Variants in CDK14 observed in about 807,000 individuals in gnomAD.
CDK14 encodes the protein cyclin dependent kinase 14, also known as cyclin-dependent kinase 14.
CDK14 carries 34 observed loss-of-function variants against 60.7 expected under a neutral mutation model. The observed-to-expected ratio is 0.56, with a 90% confidence interval of 0.43 to 0.75. The LOEUF (loss-of-function observed/expected upper bound fraction) is 0.75, where lower values mean the gene tolerates loss of function less well. Ranked by LOEUF, CDK14 falls within the 30% of genes least tolerant of loss-of-function variation. The probability of loss-of-function intolerance (pLI) is 0.00; values close to 1 mark genes in which losing one functional copy is unlikely to be tolerated. For synonymous variants in CDK14, 197 were observed against 203.7 expected, an observed-to-expected ratio of 0.97 and a Z score of 0.28; for missense variants, 482 against 564.1, an observed-to-expected ratio of 0.85 and a Z score of 1.47.
At chr7:90,815,671 T>A (rs1158942264) in intron 5 of CDK14, among the ~76,000 whole-genome samples, 1 of 152,210 alleles carries the variant, frequency 6.6e-6, no homozygotes, top group East Asian at 1.9e-4. Context: ...CCAATCCAAA[T>A]GCCCATCAAC....
At chr7:90,721,392 T>C (rs1363172210) in intron 2 of CDK14, among the ~76,000 whole-genome samples, 1 of 152,224 alleles carries the variant, frequency 6.6e-6, no homozygotes, top group Non-Finnish European at 1.5e-5. Flanking sequence ...GAAATCATAA[T>C]GAACTCATGG....
intron 2 of CDK14, among the ~76,000 whole-genome samples, chr7:90,624,727 C>T (rs1188227610): frequency 6.6e-6 from 1 of 152,236 alleles, no homozygotes; most frequent in Non-Finnish European, 1.5e-5. Context: ...TGCTCCACCA[C>T]TTAGTAGCTT....
chr7:91,056,871 G>A (rs904766294), intron 11 of CDK14, among the ~76,000 whole-genome samples: 2 of 152,150 alleles, frequency 1.3e-5, no homozygotes, highest in Non-Finnish European at 2.9e-5. Context: ...ATAAACATAC[G>A]TGTGTACGTG....
chr7:90,928,324 C>T (rs1793487292), intron 8 of CDK14, among the ~76,000 whole-genome samples: 1 of 152,196 alleles, frequency 6.6e-6, no homozygotes, highest in South Asian at 2.1e-4. Flanking sequence ...TTCAGCTTTT[C>T]TGCCCTGGTT....
At chr7:90,968,489 G>T (rs751639982) in intron 9 of CDK14, among the ~76,000 whole-genome samples, 1 of 152,114 alleles carries the variant, frequency 6.6e-6, no homozygotes, top group African/African-American at 2.4e-5. Flanking sequence ...TTACTGTGGC[G>T]TTTTCTATTT....
chr7:90,678,691 G>A (rs532834271), intron 2 of CDK14, among the ~76,000 whole-genome samples: 1 of 152,232 alleles, frequency 6.6e-6, no homozygotes, highest in Admixed American at 6.5e-5. Flanking sequence ...TTGCACAAGA[G>A]CAGAGTGTAG....
At chr7:90,899,892 T>G (rs914583105) in intron 7 of CDK14, among the ~76,000 whole-genome samples, 1 of 152,126 alleles carries the variant, frequency 6.6e-6, no homozygotes, top group African/African-American at 2.4e-5. Flanking sequence ...TCTTGGGAAA[T>G]TATTCCAAAA....
chr7:90,673,278 A>G (rs149747636), intron 2 of CDK14, among the ~76,000 whole-genome samples: 2,209 of 152,304 alleles, frequency 0.015, 21 homozygotes, highest in Middle Eastern at 0.027. Flanking sequence ...GATATACTTC[A>G]GTGTGTTAGG....
intron 5 of CDK14, among the ~76,000 whole-genome samples, chr7:90,833,336 A>G (rs1789975754): frequency 6.6e-6 from 1 of 152,186 alleles, no homozygotes; most frequent in African/African-American, 2.4e-5. Context: ...TCCCTTGGGA[A>G]GCATTTATAA....
chr7:91,179,526 G>A (rs145426115), intron 14 of CDK14, among the ~76,000 whole-genome samples: 2,714 of 150,502 alleles, frequency 0.018, 27 homozygotes, highest in Non-Finnish European at 0.025. Flanking sequence ...AATGCAGCCC[G>A]GCGCAGTGAC....
intron 10 of CDK14, among the ~76,000 whole-genome samples, chr7:91,003,041 C>G (rs1329766473): frequency 1.3e-5 from 2 of 152,166 alleles, no homozygotes; most frequent in African/African-American, 4.8e-5. Context: ...CACTGCACTC[C>G]AGCCTGGCGA....
At chr7:91,032,662 T>C (rs1796794754) in intron 10 of CDK14, among the ~76,000 whole-genome samples, 1 of 152,112 alleles carries the variant, frequency 6.6e-6, no homozygotes, top group Non-Finnish European at 1.5e-5. Flanking sequence ...GGCAAGAAAC[T>C]GCTTCTCCCC....
At chr7:90,696,869 G>T (rs1407266896) in intron 2 of CDK14, among the ~76,000 whole-genome samples, 1 of 152,108 alleles carries the variant, frequency 6.6e-6, no homozygotes, top group African/African-American at 2.4e-5. Context: ...CAGTGAAGTA[G>T]GAGGAAAACT....
At chr7:91,000,534 G>A (rs1208898) in intron 10 of CDK14, among the ~76,000 whole-genome samples, 74,641 of 152,030 alleles carry the variant, frequency 0.49, 18,861 homozygotes, top group East Asian at 0.7. Flanking sequence ...GCCGAGATTC[G>A]TGTTAGTATA....
chr7:90,879,789 A>C (rs1791681952), intron 6 of CDK14, among the ~76,000 whole-genome samples: 3 of 152,032 alleles, frequency 2.0e-5, no homozygotes. Flanking sequence ...TAAAAAAAAA[A>C]ATTGACTAGA....
chr7:91,076,822 CAA>C (rs1798332447), intron 11 of CDK14, among the ~76,000 whole-genome samples: 1 of 152,164 alleles, frequency 6.6e-6, no homozygotes, highest in Admixed American at 6.5e-5. Flanking sequence ...ACAACCCCAT[CAA>C]AAAGTGGGCA....
chr7:90,611,502 G>A (rs1799537286), intron 2 of CDK14, among the ~76,000 whole-genome samples: 1 of 152,176 alleles, frequency 6.6e-6, no homozygotes, highest in Non-Finnish European at 1.5e-5. Context: ...CTAAAAACCT[G>A]ATGCTATCCT....
At chr7:90,791,675 G>C (rs1805836089) in intron 5 of CDK14, among the ~76,000 whole-genome samples, 1 of 151,692 alleles carries the variant, frequency 6.6e-6, no homozygotes, top group African/African-American at 2.4e-5. Flanking sequence ...TTTTAATTTT[G>C]TTTCCATCAT....
chr7:91,134,267 A>G (rs1402511208), intron 14 of CDK14, among the ~76,000 whole-genome samples: 3 of 152,162 alleles, frequency 2.0e-5, no homozygotes, highest in Non-Finnish European at 4.4e-5. Flanking sequence ...ACTTGACTAT[A>G]GCTCAACAGC....
Sources: allele counts gnomAD v4.1 joint callset (sites outside exome capture counted in the v4.1 genomes callset), GRCh38; gene constraint gnomAD v4.1.1; transcripts MANE v1.5; gene names NCBI Gene and HGNC (gene_info 2026-07-23, HGNC 2026-07-21).